CBLN2: variants seen among roughly 807,000 people sequenced by gnomAD.
CBLN2 encodes cerebellin-2.
Under a neutral mutation model 15.0 loss-of-function variants are expected in CBLN2, and 7 were observed. The ratio of observed to expected loss-of-function variants is 0.47; its 90% CI spans 0.27 to 0.88. The LOEUF (loss-of-function observed/expected upper bound fraction) is 0.88, where lower values mean the gene tolerates loss of function less well. Ranked by LOEUF, CBLN2 falls within the 40% of genes least tolerant of loss-of-function variation. CBLN2 has a pLI of 0.14. For synonymous variants in CBLN2, 149 were observed against 135.2 expected (o/e 1.10, Z -0.71); for missense variants, 242 against 304.5 (o/e 0.79, Z 1.53).
chr18:72,592,822 C>T lies in CBLN2; in HGVS notation c.15+45503G>A, dbSNP rs528342922. Among the ~76,000 whole-genome samples the T allele has an allele frequency of 2.6e-5, 4 of 152,044 alleles. No individual in the cohort carries two copies. The East Asian group carries it at 7.7e-4, about 29-fold the overall frequency. ...CACTGCAGGTGTGTGGTATTTCTGG[C>T]TTCTCTATTCTGTTCTATTGGTCTT... is the stretch of plus-strand genomic sequence containing the variant. On this transcript the variant is annotated intron_variant, in intron 1 of 2. Coordinates refer to the CBLN2 transcript ENST00000581073.
intron 1 of CBLN2, among the ~76,000 whole-genome samples, chr18:72,603,660 A>T (rs1030215802): frequency 3.3e-5 from 5 of 152,132 alleles, no homozygotes; most frequent in Admixed American, 3.3e-4. Flanking sequence ...TTCATTCGTC[A>T]TCAGTCTGAG....
chr18:72,585,543 T>C (rs374219939), intron 1 of CBLN2, among the ~76,000 whole-genome samples: 1 of 152,102 alleles, frequency 6.6e-6, no homozygotes, highest in African/African-American at 2.4e-5. Context: ...GGTGTTTTTA[T>C]GGGCTTCAGA....
At chr18:72,588,918 G>T (rs2069460168) in intron 1 of CBLN2, among the ~76,000 whole-genome samples, 1 of 152,198 alleles carries the variant, frequency 6.6e-6, no homozygotes, top group Non-Finnish European at 1.5e-5. Context: ...GCGCGGAGAT[G>T]GGACTAACGC....
Position 72,537,119 on chromosome 18 carries a change from G to T in CBLN2, c.*1057C>A, listed in dbSNP as rs1414689193. ...CCAAATAAATTAAATCACCCACAGA[G>T]AAGTCACAGCACACGTGGCAAAGAC... On this transcript the variant is annotated 3_prime_UTR_variant, in exon 5 of 5. Coordinates refer to ENST00000269503, the MANE Select transcript of CBLN2 (RefSeq NM_182511.4). 1 of 152,124 alleles carries T rather than the reference G, an allele frequency of 6.6e-6. No homozygotes were observed. The allele number at this position is 152,124 out of a possible 1,614,324, so 9.4% of individuals were successfully genotyped here.
intron 1 of CBLN2, among the ~76,000 whole-genome samples, chr18:72,587,016 A>G (rs909549187): frequency 1.3e-5 from 2 of 152,056 alleles, no homozygotes; most frequent in Admixed American, 1.3e-4. Context: ...AAACACTGCT[A>G]TGATTTTTTT....
At chr18:72,596,553 CTCT>C (rs2069515305) in intron 1 of CBLN2, among the ~76,000 whole-genome samples, 1 of 152,094 alleles carries the variant, frequency 6.6e-6, no homozygotes, top group Non-Finnish European at 1.5e-5. Context: ...CAGGAATGTC[CTCT>C]TCTTTCAGAT....
chr18:72,541,192 T>A (rs1338384008), intron 3 of CBLN2, among the ~76,000 whole-genome samples: 1 of 152,242 alleles, frequency 6.6e-6, no homozygotes, highest in East Asian at 1.9e-4. Context: ...ATATTGCATT[T>A]GCTTATGGTA....
Position 72,538,342 on chromosome 18 carries a change from A to G in CBLN2, c.509T>C (p.Ile170Thr). The stretch of plus-strand genomic sequence containing the variant: ...ATCCTGGTCTCCTGCAAAGGCCGAG[A>G]TCACTGGGTAGCCATTCTGCATTAA... ...VSLMQNGYPV[I>T]SAFAGDQDVT... is the part of the protein sequence containing the mutation. The change falls in exon 5 of 5, where the codon ATC becomes ACC. Residue 170 changes from isoleucine to threonine, a missense_variant. This residue lies in a region of CBLN2 where 26 missense variants were observed against 70.3 expected (regional missense o/e 0.37). Coordinates refer to ENST00000269503, the MANE Select transcript of CBLN2 (RefSeq NM_182511.4). 1 of 1,614,178 alleles carries G rather than the reference A, an allele frequency of 6.2e-7. No individual in the cohort carries two copies. The highest frequency in any genetic ancestry group is 8.5e-7 in the Non-Finnish European group (1 of 1,180,042).
At chr18:72,616,222 T>G (rs1049342961) in intron 1 of CBLN2, among the ~76,000 whole-genome samples, 1 of 152,224 alleles carries the variant, frequency 6.6e-6, no homozygotes. Context: ...AGATAAGACC[T>G]GCTTTAGTCT....
intron 1 of CBLN2, among the ~76,000 whole-genome samples, chr18:72,581,158 T>C (rs2069401057): frequency 6.6e-6 from 1 of 152,216 alleles, no homozygotes; most frequent in African/African-American, 2.4e-5. Context: ...CTCTCCTCTA[T>C]CAGGAGCCCA....
intron 1 of CBLN2, among the ~76,000 whole-genome samples, chr18:72,612,326 GT>G (rs1261407718): frequency 6.6e-6 from 1 of 152,162 alleles, no homozygotes. Context: ...GATTCAAGTT[GT>G]TTGTTTTTAT....
intron 1 of CBLN2, among the ~76,000 whole-genome samples, chr18:72,587,015 T>C (rs1195028653): frequency 6.6e-6 from 1 of 152,090 alleles, no homozygotes; most frequent in African/African-American, 2.4e-5. Flanking sequence ...GAAACACTGC[T>C]ATGATTTTTT....
At chr18:72,577,046 A>C (rs1310825758) in intron 1 of CBLN2, among the ~76,000 whole-genome samples, 1 of 147,952 alleles carries the variant, frequency 6.8e-6, no homozygotes, top group African/African-American at 2.4e-5. Context: ...TAAATTATAT[A>C]TATATAAATG....
chr18:72,630,459 A>G (rs192131886), intron 1 of CBLN2, among the ~76,000 whole-genome samples: 3 of 151,836 alleles, frequency 2.0e-5, no homozygotes, highest in Admixed American at 2.0e-4. Flanking sequence ...AATTACGGAA[A>G]GAAGAGATGA....
chr18:72,542,113 G>C lies in CBLN2; in HGVS notation c.48C>G (p.Pro16=), dbSNP rs538079079. ...GCTCGCGCAGCGCCCCCCGGCGCCC[G>C]GGCATCATCAGCCGCAGCCCGAGTG... ...RGPLGLRLMM[P]GRRGALREPG... The change falls in exon 3 of 5, where the codon CCC becomes CCG. Residue 16 remains proline (P), a synonymous_variant. Transcript: ENST00000269503. The C allele has an allele frequency of 7.7e-4, 1,108 of 1,441,736 alleles. 8 individuals carry two copies. The African/African-American group carries it at 0.014, about 19-fold the overall frequency. The allele number at this position is 1,441,736 out of a possible 1,614,324, so 89.3% of individuals were successfully genotyped here.
chr18:72,577,592 C>T (rs1366284360), intron 1 of CBLN2, among the ~76,000 whole-genome samples: 18 of 152,194 alleles, frequency 1.2e-4, no homozygotes, highest in Admixed American at 1.2e-3. Flanking sequence ...GAAATTAACA[C>T]TTGCGTATTA....
intron 1 of CBLN2, chr18:72,618,975 T>C (rs2069681630): frequency 5.3e-6 from 4 of 755,214 alleles, no homozygotes; most frequent in Non-Finnish European, 9.5e-6. Context: ...ATGGTGGATA[T>C]GGTGGCAGCG....
chr18:72,591,794 C>T (rs1400333517), intron 1 of CBLN2, among the ~76,000 whole-genome samples: 1 of 152,100 alleles, frequency 6.6e-6, no homozygotes, highest in Admixed American at 6.6e-5. Context: ...TAATCTTCTC[C>T]AGTTCCATCT....
intron 1 of CBLN2, among the ~76,000 whole-genome samples, chr18:72,607,641 G>T (rs115205432): frequency 6.6e-6 from 1 of 151,678 alleles, no homozygotes; most frequent in Non-Finnish European, 1.5e-5. Flanking sequence ...AAACTGAAGC[G>T]CTAGCCAAAA....
Sources: allele counts gnomAD v4.1 joint callset (sites outside exome capture counted in the v4.1 genomes callset), GRCh38; gene constraint gnomAD v4.1.1; regional missense constraint gnomAD v4.1.1; transcripts MANE v1.5; gene names NCBI Gene and HGNC (gene_info 2026-07-23, HGNC 2026-07-21).